Variants in MAP3K13 observed in about 807,000 individuals in gnomAD.
MAP3K13 encodes the protein mitogen-activated protein kinase kinase kinase 13.
Under a neutral mutation model 104.0 loss-of-function variants are expected in MAP3K13, and 52 were observed. That is an observed-to-expected ratio of 0.50 (90% CI 0.40 to 0.63). The LOEUF (loss-of-function observed/expected upper bound fraction) is 0.63, where lower values mean the gene tolerates loss of function less well. MAP3K13 is among the 20% of genes least tolerant of loss of function. The pLI, the probability that MAP3K13 is intolerant of heterozygous loss-of-function variation, is 0.00. For synonymous variants in MAP3K13, 394 were observed against 442.2 expected, an observed-to-expected ratio of 0.89 and a Z score of 1.37; for missense variants, 914 against 1,218.5, an observed-to-expected ratio of 0.75 and a Z score of 3.72.
At chr3:185,393,498 G>T (rs1712194134) in intron 1 of MAP3K13, among the ~76,000 whole-genome samples, 1 of 144,204 alleles carries the variant, frequency 6.9e-6, no homozygotes, top group East Asian at 2.0e-4. Flanking sequence ...TCGCTCTGTT[G>T]TCCAGGCTGG....
chr3:185,391,075 T>C (rs1712024906), intron 1 of MAP3K13, among the ~76,000 whole-genome samples: 1 of 152,192 alleles, frequency 6.6e-6, no homozygotes, highest in South Asian at 2.1e-4. Context: ...ACCCATAGCA[T>C]AACATTTACA....
In MAP3K13 at chr3:185,466,913, A is replaced by G. The variant is rs762145334; in HGVS notation, c.1593A>G (p.Lys531=). Residue 531 remains lysine (K), a synonymous_variant, in exon 10 of 14, where the codon AAA becomes AAG. Transcript: ENST00000265026. ...RPIIHPNAME[K]LMKRKGVPHK... ...TCATCCATCCCAATGCCATGGAGAA[A>G]CTCATGAAAAGGAAAGGAGTGCCTC... The G allele has an allele frequency of 3.3e-5, 53 of 1,613,870 alleles. No individual in the cohort carries two copies. Among genetic ancestry groups the G allele is most frequent in the Non-Finnish European group, 3.9e-5 (46 of 1,179,862 alleles).
chr3:185,333,778 G>T (rs776951129), intron 2 of MAP3K13, among the ~76,000 whole-genome samples: 1 of 152,162 alleles, frequency 6.6e-6, no homozygotes, highest in East Asian at 1.9e-4. Flanking sequence ...AAGAGGCTGG[G>T]TGTGGTGGCC....
At chr3:185,397,939 A>G (rs879814740) in intron 1 of MAP3K13, among the ~76,000 whole-genome samples, 1 of 152,052 alleles carries the variant, frequency 6.6e-6, no homozygotes, top group Non-Finnish European at 1.5e-5. Flanking sequence ...TGCCTCCTGG[A>G]AGGGCTGCAC....
intron 1 of MAP3K13, among the ~76,000 whole-genome samples, chr3:185,398,964 TA>T (rs1234588087): frequency 6.6e-6 from 1 of 152,176 alleles, no homozygotes; most frequent in African/African-American, 2.4e-5. Context: ...ACTTAAAGGT[TA>T]AAGAAAGCAG....
At chr3:185,301,326 T>TTA (rs1553785805) in intron 2 of MAP3K13, among the ~76,000 whole-genome samples, 2,916 of 151,142 alleles carry the variant, frequency 0.019, 58 homozygotes, top group Non-Finnish European at 0.029. Context: ...TTTTTTTTTT[T>TTA]TTATTATTGA....
chr3:185,372,677 G>A (rs1269955308), intron 1 of MAP3K13, among the ~76,000 whole-genome samples: 1 of 152,048 alleles, frequency 6.6e-6, no homozygotes, highest in Admixed American at 6.5e-5. Flanking sequence ...AAGCCAATCT[G>A]CTTTTGTCAC....
rs368083348 is a variant in MAP3K13 at position 185,378,929 on chromosome 3, C to T, written c.-86+15561C>T. On this transcript the variant is annotated intron_variant, in intron 1 of 13. Coordinates refer to ENST00000265026, the MANE Select transcript of MAP3K13 (RefSeq NM_004721.5). ...AGCAGTGTTGCAGAAGAAAATAAGA[C>T]GCTTAGATTTTAGGTCAGGCAAGAG... is the stretch of plus-strand genomic sequence containing the variant. Among the ~76,000 whole-genome samples, 91 of 152,100 alleles carry T rather than the reference C, an allele frequency of 6.0e-4. 2 individuals are homozygous for T. Among genetic ancestry groups the T allele is most frequent in the South Asian group, 1.2e-3 (6 of 4,824 alleles).
chr3:185,428,547 T>G lies in MAP3K13; in HGVS notation c.-35T>G. ...AACTCTGTCCCAAAAATCTTCTGAGTGTCATCTCAGGACTTTGGTTATACT... is the reference window on the plus strand; with the variant it reads ...AACTCTGTCCCAAAAATCTTCTGAGGGTCATCTCAGGACTTTGGTTATACT... On this transcript the variant is annotated 5_prime_UTR_variant, in exon 2 of 14. Transcript: ENST00000265026. 6.6e-7 allele frequency: 1 copy of G among 1,524,020 alleles called. No individual in the cohort carries two copies. The highest frequency in any genetic ancestry group is 1.3e-5 in the South Asian group (1 of 75,616). 94.4% of individuals were successfully genotyped at this position (1,524,020 alleles called of 1,614,324 possible).
chr3:185,471,228 T>C (rs2148921204), intron 10 of MAP3K13, among the ~76,000 whole-genome samples: 2 of 152,216 alleles, frequency 1.3e-5, no homozygotes, highest in Middle Eastern at 3.4e-3. Context: ...AAGCAGATAT[T>C]GTCATTATTT....
chr3:185,409,093 C>G (rs903645732), intron 1 of MAP3K13, among the ~76,000 whole-genome samples: 6 of 152,322 alleles, frequency 3.9e-5, no homozygotes, highest in African/African-American at 1.4e-4. Context: ...GGAGGCCAGG[C>G]CTGGTGGCTC....
At chr3:185,475,918 C>T (rs1347976896) in intron 11 of MAP3K13, among the ~76,000 whole-genome samples, 1 of 152,156 alleles carries the variant, frequency 6.6e-6, no homozygotes, top group Non-Finnish European at 1.5e-5. Flanking sequence ...TCCATTCTCT[C>T]CTCTTCCAAC....
intron 2 of MAP3K13, among the ~76,000 whole-genome samples, chr3:185,434,047 A>C (rs1444490236): frequency 1.3e-5 from 2 of 152,196 alleles, no homozygotes; most frequent in African/African-American, 4.8e-5. Context: ...AGTAAAGATT[A>C]AATTTTTAAA....
At chr3:185,292,989 A>C (rs570055272) in intron 2 of MAP3K13, 11 of 985,228 alleles carry the variant, frequency 1.1e-5, no homozygotes, top group Non-Finnish European at 1.3e-5. Context: ...GGTAAGAATA[A>C]AAAATTGTTT....
In MAP3K13 at chr3:185,307,536, G is replaced by GCAC. The variant is rs1553786565; in HGVS notation, c.-86+21898_-86+21900dup. Among the ~76,000 whole-genome samples, 182 of 49,446 alleles carry GCAC rather than the reference G, an allele frequency of 3.7e-3. 9 individuals carry two copies. The East Asian group carries it at 0.086, about 23-fold the overall frequency. 32.4% of individuals were successfully genotyped at this position (49,446 alleles called of 152,430 possible). On this transcript the variant is annotated intron_variant, in intron 2 of 14. Transcript: ENST00000424227. ...TTCAGCTCTATAATTTCCATTTGGT[G>GCAC]CACCACCCCCTCCCCCGCCACCCCG... is the stretch of plus-strand genomic sequence containing the variant.
intron 1 of MAP3K13, among the ~76,000 whole-genome samples, chr3:185,402,756 C>A (rs1225175801): frequency 6.6e-6 from 1 of 152,148 alleles, no homozygotes; most frequent in Admixed American, 6.5e-5. Context: ...GTGTAAAAAA[C>A]CCAGCCCTGA....
At chr3:185,458,132 A>T (rs888410423) in intron 7 of MAP3K13, among the ~76,000 whole-genome samples, 2 of 152,140 alleles carry the variant, frequency 1.3e-5, no homozygotes, top group South Asian at 4.1e-4. Context: ...ACTTTGGGAG[A>T]CCGAGATGGG....
At chr3:185,351,069 T>C (rs1723122453) in intron 2 of MAP3K13, among the ~76,000 whole-genome samples, 1 of 152,158 alleles carries the variant, frequency 6.6e-6, no homozygotes. Context: ...GCAACATGGA[T>C]GGAGCTGGAG....
At chr3:185,365,455 G>A (rs1723825275) in intron 1 of MAP3K13, among the ~76,000 whole-genome samples, 1 of 152,174 alleles carries the variant, frequency 6.6e-6, no homozygotes, top group South Asian at 2.1e-4. Context: ...ACTGGTAGAT[G>A]ACAGAACAAC....
Sources: allele counts gnomAD v4.1 joint callset (sites outside exome capture counted in the v4.1 genomes callset), GRCh38; gene constraint gnomAD v4.1.1; transcripts MANE v1.5; gene names NCBI Gene and HGNC (gene_info 2026-07-23, HGNC 2026-07-21).